Variants in ATP9B observed in about 807,000 individuals in gnomAD.
ATP9B encodes ATPase phospholipid transporting 9B.
A neutral mutation model predicts 146.1 loss-of-function variants in ATP9B; 110 were observed. The ratio of observed to expected loss-of-function variants is 0.75; its 90% CI spans 0.65 to 0.88. ATP9B has a LOEUF of 0.88. ATP9B is among the 40% of genes least tolerant of loss of function. ATP9B has a pLI of 0.00. For synonymous variants in ATP9B, 604 were observed against 569.7 expected (o/e 1.06, Z -0.86); for missense variants, 1,499 against 1,496.4 (o/e 1.00, Z -0.03).
At chr18:79,341,695 CT>C (rs5826629) in intron 19 of ATP9B, among the ~76,000 whole-genome samples, 3,092 of 100,764 alleles carry the variant, frequency 0.031, 425 homozygotes, top group East Asian at 0.14. Context: ...GTAGCGTGAC[CT>C]TGTTGAAGCC....
chr18:79,071,155 C>T (rs1293923258), intron 1 of ATP9B, among the ~76,000 whole-genome samples: 1 of 147,390 alleles, frequency 6.8e-6, no homozygotes, highest in Admixed American at 6.9e-5. Context: ...AGTGCTTGCT[C>T]TGGGTATTAC....
chr18:79,215,301 C>G (rs1306570783), intron 11 of ATP9B, among the ~76,000 whole-genome samples: 1 of 152,126 alleles, frequency 6.6e-6, no homozygotes, highest in Non-Finnish European at 1.5e-5. Flanking sequence ...AGAGTGAGGC[C>G]TTCTGTGTCG....
chr18:79,180,231 T>G (rs1461146833), intron 8 of ATP9B, among the ~76,000 whole-genome samples: 1 of 152,222 alleles, frequency 6.6e-6, no homozygotes, highest in Non-Finnish European at 1.5e-5. Context: ...TTGTGTACAT[T>G]TACAGTAATC....
In ATP9B at chr18:79,377,940, T is replaced by C. The variant is rs912869238; in HGVS notation, c.*557T>C. The C allele has an allele frequency of 6.5e-6, 1 of 153,480 alleles. No individual in the cohort carries two copies. Among genetic ancestry groups the C allele is most frequent in the South Asian group, 2.0e-4 (1 of 4,908 alleles). 9.5% of individuals were successfully genotyped at this position (153,480 alleles called of 1,614,324 possible). Reference sequence around the variant, plus strand: ...TTTTTTGTATTGTCAAAATTGTATTTCCATATTGAAGCAGCTTGAGTTTCT... The same window carrying C: ...TTTTTTGTATTGTCAAAATTGTATTCCCATATTGAAGCAGCTTGAGTTTCT... On this transcript the variant is annotated 3_prime_UTR_variant, in exon 30 of 30. Coordinates refer to ENST00000426216, the MANE Select transcript of ATP9B (RefSeq NM_198531.5).
At chr18:79,351,730 G>T (rs1008982143) in intron 25 of ATP9B, among the ~76,000 whole-genome samples, 14 of 152,228 alleles carry the variant, frequency 9.2e-5, no homozygotes, top group African/African-American at 3.4e-4. Context: ...GGCCCCAAGA[G>T]CAGGAAGGAC....
At chr18:79,259,467 G>A (rs935940098) in intron 12 of ATP9B, among the ~76,000 whole-genome samples, 3 of 152,220 alleles carry the variant, frequency 2.0e-5, no homozygotes, top group Non-Finnish European at 4.4e-5. Context: ...GCAGAATGTT[G>A]TTTGACAAAG....
intron 12 of ATP9B, among the ~76,000 whole-genome samples, chr18:79,262,768 G>A (rs1414099610): frequency 6.6e-6 from 1 of 152,150 alleles, no homozygotes; most frequent in Non-Finnish European, 1.5e-5. Flanking sequence ...CTAGCACTTA[G>A]CACCCGTATC....
At chr18:79,129,976 A>G (rs2094350800) in intron 5 of ATP9B, among the ~76,000 whole-genome samples, 1 of 152,150 alleles carries the variant, frequency 6.6e-6, no homozygotes, top group South Asian at 2.1e-4. Context: ...TCCTGACCTC[A>G]GGTGATCCAC....
At chr18:79,159,781 G>T (rs1204494938) in intron 7 of ATP9B, among the ~76,000 whole-genome samples, 2 of 152,126 alleles carry the variant, frequency 1.3e-5, no homozygotes, top group African/African-American at 4.8e-5. Flanking sequence ...TTTTCGTCAT[G>T]ACCTCACCCT....
intron 11 of ATP9B, among the ~76,000 whole-genome samples, chr18:79,247,973 A>G (rs1380186622): frequency 6.6e-6 from 1 of 152,212 alleles, no homozygotes; most frequent in African/African-American, 2.4e-5. Flanking sequence ...TTAAGAACTA[A>G]GGTGATAAAT....
intron 6 of ATP9B, among the ~76,000 whole-genome samples, chr18:79,149,425 A>T (rs765597236): frequency 6.6e-6 from 1 of 151,480 alleles, no homozygotes; most frequent in African/African-American, 2.4e-5. Context: ...CCTGAGGTTT[A>T]AAAAAAAAGA....
chr18:79,290,585 G>A (rs1599668658), intron 13 of ATP9B, among the ~76,000 whole-genome samples: 3 of 152,192 alleles, frequency 2.0e-5, no homozygotes, highest in East Asian at 1.9e-4. Context: ...GCAATGCCTC[G>A]CCCTGCTTCG....
chr18:79,300,644 C>G (rs2096584627), intron 13 of ATP9B, among the ~76,000 whole-genome samples: 1 of 152,222 alleles, frequency 6.6e-6, no homozygotes, highest in Admixed American at 6.5e-5. Flanking sequence ...GAGCTCTGCA[C>G]TTGCAGCTGA....
At chr18:79,099,537 T>C in intron 2 of ATP9B, among the ~76,000 whole-genome samples, 1 of 152,206 alleles carries the variant, frequency 6.6e-6, no homozygotes, top group Non-Finnish European at 1.5e-5. Context: ...ATTTTCTAAT[T>C]TCCATTGTCA....
chr18:79,367,095 T>G (rs12457547), intron 26 of ATP9B, among the ~76,000 whole-genome samples: 1 of 68,734 alleles, frequency 1.5e-5, no homozygotes, highest in South Asian at 6.7e-4. Context: ...GCAGAGAAAG[T>G]GCCTCCTCAA....
intron 10 of ATP9B, among the ~76,000 whole-genome samples, chr18:79,210,755 T>C (rs1219277490): frequency 6.6e-6 from 1 of 152,182 alleles, no homozygotes; most frequent in Non-Finnish European, 1.5e-5. Context: ...ATCTGCGAGT[T>C]GGAGTGTGTT....
intron 26 of ATP9B, chr18:79,364,265 CAAAAAAAAA>C (rs950562390): frequency 7.4e-5 from 7 of 95,146 alleles, no homozygotes; most frequent in African/African-American, 2.3e-4. Context: ...AACTCCGTCT[CAAAAAAAAA>C]AAAAAAGAAA....
chr18:79,121,120 G>C (rs1304941315), intron 4 of ATP9B, among the ~76,000 whole-genome samples: 1 of 152,154 alleles, frequency 6.6e-6, no homozygotes, highest in Non-Finnish European at 1.5e-5. Context: ...AGGATACTTG[G>C]AAAAGTGTGT....
At chr18:79,190,717 TG>T (rs1242279313) in intron 8 of ATP9B, among the ~76,000 whole-genome samples, 1 of 152,108 alleles carries the variant, frequency 6.6e-6, no homozygotes, top group Non-Finnish European at 1.5e-5. Context: ...GGTTAATTTT[TG>T]TATTTTTAGT....
Sources: gnomAD v4.1 joint callset for allele counts (sites outside exome capture counted in the v4.1 genomes callset) on GRCh38, gnomAD v4.1.1 for gene constraint, MANE v1.5 for transcripts, NCBI Gene and HGNC (gene_info 2026-07-23, HGNC 2026-07-21) for gene names.